Variants in ADH7 observed in about 807,000 individuals in gnomAD.
ADH7 encodes alcohol dehydrogenase 7 (class IV), mu or sigma polypeptide.
A neutral mutation model predicts 34.4 loss-of-function variants in ADH7; 41 were observed. The observed-to-expected ratio is 1.19, with a 90% CI of 0.93 to 1.55. ADH7 has a LOEUF of 1.55. Ranked by LOEUF, ADH7 falls within the 40% of genes most tolerant of loss-of-function variation. The pLI, the probability that ADH7 is intolerant of heterozygous loss-of-function variation, is 0.00. For missense variants in ADH7, 540 were observed against 461.2 expected (o/e 1.17, Z -1.56); for synonymous variants, 180 against 160.9 (o/e 1.12, Z -0.90).
intron 6 of ADH7, among the ~76,000 whole-genome samples, chr4:99,420,125 G>A (rs1430235270): frequency 6.6e-6 from 1 of 152,128 alleles, no homozygotes; most frequent in African/African-American, 2.4e-5. Flanking sequence ...CACAGATTTG[G>A]GGGAATAGAC....
At chr4:99,435,163 C>T in intron 1 of ADH7, 53 bp downstream of exon 1, 2 of 1,598,622 alleles carry the variant, frequency 1.3e-6, no homozygotes, top group East Asian at 2.3e-5. Flanking sequence ...TTCTAAGTAT[C>T]AGCCTCACAT....
intron 7 of ADH7, among the ~76,000 whole-genome samples, chr4:99,416,860 C>T (rs1199935344): frequency 6.6e-6 from 1 of 152,100 alleles, no homozygotes; most frequent in Non-Finnish European, 1.5e-5. Context: ...TCTACCACTT[C>T]CACCCTAGCC....
At chr4:99,428,744 T>C (rs1233894438) in intron 2 of ADH7, 114 bp from the exon 3 acceptor site, 1 of 1,325,142 alleles carries the variant, frequency 7.5e-7, no homozygotes, top group Non-Finnish European at 1.0e-6. Flanking sequence ...CTTTGCCTAA[T>C]ATAACAACAT....
intron 5 of ADH7, among the ~76,000 whole-genome samples, chr4:99,425,857 G>C (rs374894437): frequency 6.6e-6 from 1 of 151,722 alleles, no homozygotes; most frequent in South Asian, 2.1e-4. Context: ...ATAACAAACT[G>C]TCTCTCAGAC....
chr4:99,413,926 G>A (rs1005211490), intron 8 of ADH7, among the ~76,000 whole-genome samples: 17 of 152,116 alleles, frequency 1.1e-4, no homozygotes, highest in South Asian at 6.2e-4. Flanking sequence ...AAAGAGGAAC[G>A]CATAATATAA....
chr4:99,424,675 CTGTT>C (rs1289660604), intron 5 of ADH7, among the ~76,000 whole-genome samples: 2 of 151,774 alleles, frequency 1.3e-5, no homozygotes, highest in Non-Finnish European at 1.5e-5. Context: ...ATTTGGCTCT[CTGTT>C]TGTTATTGGT....
chr4:99,415,500 C>G lies in ADH7; in HGVS notation c.1078G>C (p.Glu360Gln). ...TACCTTTGTCCTGAATTGAGCAGCT[C>G]AAATCCTTCACTGATTTTTTTAAAT... is the stretch of plus-strand genomic sequence containing the variant. ...LPFKKISEGF[E>Q]LLNSGQSIRT... Residue 360 changes from glutamate to glutamine, a missense_variant, in exon 8 of 9, where the codon GAG becomes CAG. Transcript: ENST00000437033. The G allele has an allele frequency of 5.0e-6, 8 of 1,613,122 alleles. No homozygotes were observed. Among genetic ancestry groups the G allele is most frequent in the Non-Finnish European group, 6.8e-6 (8 of 1,179,476 alleles).
intron 7 of ADH7, among the ~76,000 whole-genome samples, chr4:99,418,692 C>T (rs72904914): frequency 0.037 from 5,566 of 152,150 alleles, 348 homozygotes; most frequent in African/African-American, 0.13. Flanking sequence ...TGGATTAAAT[C>T]GGAACTTCCT....
rs1451239194 is a variant in ADH7, at chr4:99,429,514, T to C, written c.120+18A>G. On this transcript the variant is annotated intron_variant, in intron 2 of 8. Coordinates refer to ENST00000437033, the MANE Select transcript of ADH7 (RefSeq NM_000673.7). Reference sequence around the variant, plus strand: ...TTGATAACGCTTTTGGCTTAAGTTCTCTAGGGCTCACGCTTACCTTAATGC... The same window carrying C: ...TTGATAACGCTTTTGGCTTAAGTTCCCTAGGGCTCACGCTTACCTTAATGC... The C allele has an allele frequency of 2.5e-6, 4 of 1,589,174 alleles. No homozygotes were observed. Among genetic ancestry groups the C allele is most frequent in the East Asian group, 2.2e-5 (1 of 44,756 alleles).
chr4:99,419,929 C>T lies in ADH7; in HGVS notation c.825+604G>A, dbSNP rs114686782. ...TATTCCATTTTTCCTAGTCTCTTTACGCTATGCCAGGTTGGAGCTTTCTAG... is the reference window on the plus strand; with the variant it reads ...TATTCCATTTTTCCTAGTCTCTTTATGCTATGCCAGGTTGGAGCTTTCTAG... On this transcript the variant is annotated intron_variant, in intron 6 of 8. Transcript: ENST00000437033. Among the ~76,000 whole-genome samples, 262 of 152,224 alleles carry T rather than the reference C, an allele frequency of 1.7e-3. 2 individuals are homozygous for T. The highest frequency in any genetic ancestry group is 5.9e-3 in the African/African-American group (246 of 41,550).
chr4:99,434,878 C>T (rs1006998716), intron 1 of ADH7: 24 of 665,336 alleles, frequency 3.6e-5, no homozygotes, highest in African/African-American at 1.6e-4. Context: ...GCTACTGAGA[C>T]GATTGAAGTG....
chr4:99,435,026 C>A, intron 1 of ADH7, 190 bp downstream of exon 1: 1 of 1,538,690 alleles, frequency 6.5e-7, no homozygotes, highest in Non-Finnish European at 8.7e-7. Context: ...TTCCAACTTA[C>A]CCCTGCTTCC....
At chr4:99,434,662 T>C (rs1442733424) in intron 1 of ADH7, among the ~76,000 whole-genome samples, 1 of 152,210 alleles carries the variant, frequency 6.6e-6, no homozygotes, top group Non-Finnish European at 1.5e-5. Flanking sequence ...ACTTTACCAA[T>C]AATATAGTCT....
intron 1 of ADH7, among the ~76,000 whole-genome samples, chr4:99,434,779 T>G (rs910058400): frequency 1.3e-5 from 2 of 152,170 alleles, no homozygotes; most frequent in Non-Finnish European, 2.9e-5. Flanking sequence ...AATTAGCATT[T>G]TCCATTCTTA....
chr4:99,414,427 A>T (rs1721473330), intron 8 of ADH7, among the ~76,000 whole-genome samples: 1 of 152,216 alleles, frequency 6.6e-6, no homozygotes, highest in Non-Finnish European at 1.5e-5. Flanking sequence ...TTATAGGCCC[A>T]ATGAGTGAAA....
intron 5 of ADH7, among the ~76,000 whole-genome samples, chr4:99,423,652 G>A (rs1290253107): frequency 6.6e-6 from 1 of 152,208 alleles, no homozygotes; most frequent in Non-Finnish European, 1.5e-5. Context: ...TTTTCCACAT[G>A]TTTTTTGGCT....
chr4:99,424,237 C>T (rs1443797272), intron 5 of ADH7, among the ~76,000 whole-genome samples: 1 of 152,122 alleles, frequency 6.6e-6, no homozygotes, highest in Non-Finnish European at 1.5e-5. Context: ...CATTGATCTA[C>T]ATCTCTGTTT....
chr4:99,430,920 C>T (rs577390111), intron 1 of ADH7, among the ~76,000 whole-genome samples: 1 of 152,160 alleles, frequency 6.6e-6, no homozygotes, highest in East Asian at 1.9e-4. Context: ...CCTCAGCCAC[C>T]CGAGTAGCTG....
intron 8 of ADH7, among the ~76,000 whole-genome samples, chr4:99,414,369 A>G (rs929039376): frequency 1.3e-5 from 2 of 152,196 alleles, no homozygotes; most frequent in African/African-American, 4.8e-5. Flanking sequence ...AGTTCCTTTT[A>G]CTAATGAAAT....
Sources: allele counts gnomAD v4.1 joint callset (sites outside exome capture counted in the v4.1 genomes callset), GRCh38; gene constraint gnomAD v4.1.1; transcripts MANE v1.5; gene names NCBI Gene and HGNC (gene_info 2026-07-23, HGNC 2026-07-21).